The following ARMC1 variants were observed in gnomAD, a reference collection of about 807,000 sequenced individuals.
ARMC1 encodes the protein armadillo repeat-containing protein 1.
Under a neutral mutation model 31.4 loss-of-function variants are expected in ARMC1, and 16 were observed. The ratio of observed to expected loss-of-function variants is 0.51; its 90% CI spans 0.34 to 0.77. The LOEUF is 0.77. Ranked by LOEUF, ARMC1 falls within the 30% of genes least tolerant of loss-of-function variation. The probability of loss-of-function intolerance (pLI) is 0.01; values close to 1 mark genes in which losing one functional copy is unlikely to be tolerated. For missense variants in ARMC1, 259 were observed against 347.5 expected (o/e 0.75, Z 2.02); for synonymous variants, 114 against 118.9 (o/e 0.96, Z 0.27).
At position 65,610,006 on chromosome 8, in the gene ARMC1, A is replaced by G. The variant is rs1262461472; in HGVS notation, c.465+3238T>C. 4.6e-5 allele frequency among the ~76,000 whole-genome samples: 7 copies of G among 152,326 alleles called. No homozygotes were observed. In the South Asian group the frequency reaches 1.2e-3, roughly 27 times the overall value. On this transcript the variant is annotated intron_variant, in intron 4 of 6. Transcript: ENST00000276569. ...TATATAACTTCTCTCTGTGCAAGGT[A>G]ACTTCAGGGGAACTTCCAGCTGCAG... is the stretch of plus-strand genomic sequence containing the variant.
chr8:65,631,482 C>G (rs1365404591), intron 1 of ARMC1, among the ~76,000 whole-genome samples: 3 of 152,176 alleles, frequency 2.0e-5, no homozygotes, highest in Non-Finnish European at 4.4e-5. Context: ...GACCCACCCT[C>G]CTCGGCCTCC....
rs772893954 is a variant in ARMC1, at chr8:65,613,231, T to C, written c.465+13A>G. 5.0e-5 allele frequency: 78 copies of C among 1,571,002 alleles called. No individual in the cohort carries two copies. Among genetic ancestry groups the C allele is most frequent in the Non-Finnish European group, 6.5e-5 (75 of 1,161,918 alleles). ...GTAAACATGATTTCTCTTTCCCATC[T>C]AACAGACCTTACCGTATCATCAAGG... is the stretch of plus-strand genomic sequence containing the variant. On this transcript the variant is annotated intron_variant, in intron 4 of 6. Coordinates refer to ENST00000276569, the MANE Select transcript of ARMC1 (RefSeq NM_018120.6).
intron 2 of ARMC1, among the ~76,000 whole-genome samples, chr8:65,625,801 T>G (rs1438346676): frequency 6.6e-6 from 1 of 152,068 alleles, no homozygotes; most frequent in Admixed American, 6.6e-5. Flanking sequence ...TACAAACTTG[T>G]GAAATTAGAC....
At chr8:65,616,316 G>T (rs1460119642) in intron 3 of ARMC1, among the ~76,000 whole-genome samples, 1 of 152,140 alleles carries the variant, frequency 6.6e-6, no homozygotes, top group African/African-American at 2.4e-5. Flanking sequence ...TATTTTTTTG[G>T]TGGAGAGGGG....
intron 1 of ARMC1, among the ~76,000 whole-genome samples, chr8:65,627,769 C>T (rs1243952120): frequency 1.3e-5 from 2 of 152,168 alleles, no homozygotes; most frequent in East Asian, 3.8e-4. Flanking sequence ...GTTAATATTG[C>T]CAGTGCTTTT....
chr8:65,624,675 T>C (rs1227748344), intron 2 of ARMC1, among the ~76,000 whole-genome samples: 1 of 152,144 alleles, frequency 6.6e-6, no homozygotes, highest in East Asian at 1.9e-4. Context: ...ATTCTTACAC[T>C]ACATGTTAAG....
chr8:65,610,673 C>A (rs1446980731), intron 4 of ARMC1, among the ~76,000 whole-genome samples: 1 of 150,664 alleles, frequency 6.6e-6, no homozygotes, highest in African/African-American at 2.4e-5. Flanking sequence ...CCAGCCTGGG[C>A]AAAAAGAGCA....
chr8:65,626,354 A>G (rs1206220625), intron 2 of ARMC1, among the ~76,000 whole-genome samples: 2 of 151,646 alleles, frequency 1.3e-5, no homozygotes, highest in Non-Finnish European at 2.9e-5. Context: ...CTGTAATCTA[A>G]GCACTTTGAG....
intron 4 of ARMC1, among the ~76,000 whole-genome samples, chr8:65,608,883 C>G (rs1318987042): frequency 2.0e-5 from 3 of 151,928 alleles, no homozygotes; most frequent in Non-Finnish European, 4.4e-5. Flanking sequence ...TGATCTCCAG[C>G]CTGGGCGACA....
At chr8:65,625,948 G>A (rs973820216) in intron 2 of ARMC1, among the ~76,000 whole-genome samples, 7 of 150,986 alleles carry the variant, frequency 4.6e-5, no homozygotes, top group Non-Finnish European at 8.8e-5. Context: ...GAGTGCAATG[G>A]CACAATCTTG....
chr8:65,622,792 G>A (rs1006099887), intron 2 of ARMC1, among the ~76,000 whole-genome samples: 3 of 151,950 alleles, frequency 2.0e-5, no homozygotes, highest in Non-Finnish European at 4.4e-5. Context: ...GGGAGGCTGA[G>A]GTGGGCAGAT....
chr8:65,623,184 T>C (rs1808431260), intron 2 of ARMC1, among the ~76,000 whole-genome samples: 1 of 150,746 alleles, frequency 6.6e-6, no homozygotes, highest in Non-Finnish European at 1.5e-5. Context: ...GGCAGGTGCC[T>C]GTAATCCCAG....
chr8:65,611,613 A>G (rs1477970692), intron 4 of ARMC1, among the ~76,000 whole-genome samples: 1 of 151,914 alleles, frequency 6.6e-6, no homozygotes, highest in Non-Finnish European at 1.5e-5. Flanking sequence ...TTAAGGTAGA[A>G]GCTTAAGTCA....
At chr8:65,623,192 C>T (rs1808431489) in intron 2 of ARMC1, among the ~76,000 whole-genome samples, 1 of 150,604 alleles carries the variant, frequency 6.6e-6, no homozygotes, top group Non-Finnish European at 1.5e-5. Flanking sequence ...CCTGTAATCC[C>T]AGCTACTCAG....
At chr8:65,625,817 G>A (rs183422222) in intron 2 of ARMC1, among the ~76,000 whole-genome samples, 105 of 152,126 alleles carry the variant, frequency 6.9e-4, no homozygotes, top group African/African-American at 2.4e-3. Context: ...TAGACTAAAT[G>A]GGGAATCATC....
intron 1 of ARMC1, chr8:65,632,801 G>A (rs1015854729): frequency 6.9e-6 from 1 of 144,970 alleles, no homozygotes; most frequent in African/African-American, 2.6e-5. Context: ...ACTCCAGCCT[G>A]AGCGACAGAG....
chr8:65,629,010 T>G (rs1808577006), intron 1 of ARMC1, among the ~76,000 whole-genome samples: 1 of 151,710 alleles, frequency 6.6e-6, no homozygotes. Context: ...AAAAATTAGC[T>G]GGGCTTGGTG....
At chr8:65,622,398 T>C (rs1236074843) in intron 2 of ARMC1, 44 bp from the exon 3 acceptor site, 14 of 1,495,758 alleles carry the variant, frequency 9.4e-6, no homozygotes, top group African/African-American at 1.4e-5. Context: ...GTCCAGACTA[T>C]TCAAAATTGA....
rs931529646 is a variant in ARMC1, at chr8:65,603,161, A to G, written c.*1233T>C. Reference sequence around the variant, plus strand: ...AAAAAGAAAATTTTAGTTACCAAATATTTCAGAAATTTAATAAAGCATTAC... The same window carrying G: ...AAAAAGAAAATTTTAGTTACCAAATGTTTCAGAAATTTAATAAAGCATTAC... On this transcript the variant is annotated 3_prime_UTR_variant, in exon 7 of 7. Transcript: ENST00000276569. 2.0e-5 allele frequency: 3 copies of G among 152,192 alleles called. No individual in the cohort carries two copies. The highest frequency in any genetic ancestry group is 2.9e-5 in the Non-Finnish European group (2 of 68,014). The allele number at this position is 152,192 out of a possible 1,614,324, so 9.4% of individuals were successfully genotyped here.
Sources: allele counts gnomAD v4.1 joint callset (sites outside exome capture counted in the v4.1 genomes callset), GRCh38; gene constraint gnomAD v4.1.1; transcripts MANE v1.5; gene names NCBI Gene and HGNC (gene_info 2026-07-23, HGNC 2026-07-21).